Variants in MDGA2 observed in about 807,000 individuals in gnomAD.
MDGA2 encodes MAM domain containing glycosylphosphatidylinositol anchor 2.
A neutral mutation model predicts 117.8 loss-of-function variants in MDGA2; 40 were observed. That is an observed-to-expected ratio of 0.34 (90% CI 0.26 to 0.44). The LOEUF is 0.44. MDGA2 is among the 20% of genes least tolerant of loss of function. The pLI, the probability that MDGA2 is intolerant of heterozygous loss-of-function variation, is 1.00. For missense variants in MDGA2, 1,123 were observed against 1,250.6 expected (o/e 0.90, Z 1.54); for synonymous variants, 452 against 439.0 (o/e 1.03, Z -0.37).
chr14:47,508,831 C>A (rs901731367), intron 1 of MDGA2, among the ~76,000 whole-genome samples: 2 of 151,868 alleles, frequency 1.3e-5, no homozygotes, highest in Non-Finnish European at 2.9e-5. Context: ...AGGCACCCAC[C>A]ACTATGCCCG....
chr14:47,356,790 GC>G (rs1891003857), intron 1 of MDGA2, among the ~76,000 whole-genome samples: 1 of 152,082 alleles, frequency 6.6e-6, no homozygotes, highest in African/African-American at 2.4e-5. Context: ...TACCCTCCTT[GC>G]CTTTGACCTC....
chr14:47,530,953 G>A (rs17118867), intron 1 of MDGA2, among the ~76,000 whole-genome samples: 6,037 of 152,100 alleles, frequency 0.04, 403 homozygotes, highest in African/African-American at 0.14. Flanking sequence ...TTAATTTTCC[G>A]TATAAGATTT....
At chr14:47,259,609 C>T (rs192484385) in intron 2 of MDGA2, among the ~76,000 whole-genome samples, 1 of 152,106 alleles carries the variant, frequency 6.6e-6, no homozygotes, top group East Asian at 1.9e-4. Flanking sequence ...TATTTGACAA[C>T]CCACAGTACT....
At chr14:47,093,649 G>A (rs925392615) in intron 6 of MDGA2, among the ~76,000 whole-genome samples, 4 of 152,092 alleles carry the variant, frequency 2.6e-5, no homozygotes, top group African/African-American at 9.7e-5. Flanking sequence ...TTCTCCCAAA[G>A]TAGTAAACCA....
intron 1 of MDGA2, among the ~76,000 whole-genome samples, chr14:47,408,959 G>T (rs2138480966): frequency 6.6e-6 from 1 of 152,226 alleles, no homozygotes; most frequent in Middle Eastern, 3.4e-3. Flanking sequence ...GCTGCAAAAG[G>T]ACCTGAGAGA....
chr14:47,359,601 ATTT>A (rs1248916037), intron 1 of MDGA2, among the ~76,000 whole-genome samples: 1 of 151,836 alleles, frequency 6.6e-6, no homozygotes, highest in Non-Finnish European at 1.5e-5. Flanking sequence ...AAAAGAATGA[ATTT>A]AAGAACTTTA....
intron 2 of MDGA2, among the ~76,000 whole-genome samples, chr14:47,219,696 T>C (rs144521771): frequency 6.6e-6 from 1 of 152,094 alleles, no homozygotes; most frequent in African/African-American, 2.4e-5. Flanking sequence ...TAGGTGGTTA[T>C]AAATTGACTC....
At chr14:46,992,463 C>A (rs566100900) in intron 8 of MDGA2, among the ~76,000 whole-genome samples, 22 of 152,008 alleles carry the variant, frequency 1.4e-4, no homozygotes, top group Non-Finnish European at 2.5e-4. Context: ...CAATTATTGG[C>A]AGCTCCATGT....
chr14:47,102,989 A>C (rs1880429517), intron 5 of MDGA2, among the ~76,000 whole-genome samples: 1 of 152,176 alleles, frequency 6.6e-6, no homozygotes, highest in Non-Finnish European at 1.5e-5. Flanking sequence ...AAGAGTAAAG[A>C]AAGAACAAGG....
intron 5 of MDGA2, among the ~76,000 whole-genome samples, chr14:47,100,469 T>C (rs565785715): frequency 6.9e-4 from 105 of 152,234 alleles, no homozygotes; most frequent in African/African-American, 2.3e-3. Flanking sequence ...AGGTTAAACA[T>C]GGAAGGTCAT....
At chr14:46,922,250 C>A (rs966793297) in intron 9 of MDGA2, among the ~76,000 whole-genome samples, 3 of 151,982 alleles carry the variant, frequency 2.0e-5, no homozygotes, top group African/African-American at 7.3e-5. Flanking sequence ...TACCAATGAC[C>A]TTTGAATATG....
chr14:47,267,697 C>A (rs1032237889), intron 2 of MDGA2, among the ~76,000 whole-genome samples: 3 of 152,124 alleles, frequency 2.0e-5, no homozygotes, highest in Admixed American at 6.5e-5. Context: ...CAATCTTCCT[C>A]AATTGTTTTT....
intron 1 of MDGA2, among the ~76,000 whole-genome samples, chr14:47,423,556 C>CTGTG (rs34672294): frequency 0.027 from 4,132 of 150,382 alleles, 171 homozygotes; most frequent in African/African-American, 0.092. Context: ...ATCCCCACGC[C>CTGTG]TGTGTGTGTG....
chr14:47,240,071 G>A (rs1886989555), intron 2 of MDGA2, among the ~76,000 whole-genome samples: 1 of 151,594 alleles, frequency 6.6e-6, no homozygotes, highest in Non-Finnish European at 1.5e-5. Context: ...TTTTGAGACA[G>A]TCTTGCTCTG....
chr14:47,380,335 T>C (rs1196187120), intron 1 of MDGA2, among the ~76,000 whole-genome samples: 1 of 151,848 alleles, frequency 6.6e-6, no homozygotes, highest in Admixed American at 6.6e-5. Flanking sequence ...GCAAACACAT[T>C]CAAAAGCTAG....
At chr14:47,516,249 A>C (rs1894748157) in intron 1 of MDGA2, among the ~76,000 whole-genome samples, 1 of 152,164 alleles carries the variant, frequency 6.6e-6, no homozygotes, top group South Asian at 2.1e-4. Flanking sequence ...GTTTACAGGA[A>C]ATTAAAAACA....
At chr14:47,148,463 G>T (rs188364081) in intron 3 of MDGA2, among the ~76,000 whole-genome samples, 1 of 152,084 alleles carries the variant, frequency 6.6e-6, no homozygotes, top group African/African-American at 2.4e-5. Flanking sequence ...AGACTCAATT[G>T]CCCTCTCTAA....
intron 3 of MDGA2, among the ~76,000 whole-genome samples, chr14:47,148,229 C>G (rs111955892): frequency 6.6e-6 from 1 of 152,022 alleles, no homozygotes; most frequent in African/African-American, 2.4e-5. Flanking sequence ...AAGCTTTTTC[C>G]CTTTCTGGGA....
At chr14:47,158,643 C>T (rs2031653) in intron 3 of MDGA2, among the ~76,000 whole-genome samples, 27,644 of 151,844 alleles carry the variant, frequency 0.18, 2,729 homozygotes, top group East Asian at 0.31. Flanking sequence ...GTAGTAGAGA[C>T]GGGGTTTCAC....
Sources: gnomAD v4.1 joint callset for allele counts (sites outside exome capture counted in the v4.1 genomes callset) on GRCh38, gnomAD v4.1.1 for gene constraint, MANE v1.5 for transcripts, NCBI Gene and HGNC (gene_info 2026-07-23, HGNC 2026-07-21) for gene names.